Variants in LMO1 observed in about 807,000 individuals in gnomAD.
The protein encoded by LMO1 is rhombotin-1.
LMO1 carries 10 observed loss-of-function variants against 18.0 expected under a neutral mutation model. That is an observed-to-expected ratio of 0.55 (90% CI 0.34 to 0.94). The LOEUF is 0.94. Ranked by LOEUF, LMO1 falls within the 40% of genes least tolerant of loss-of-function variation. The pLI, the probability that LMO1 is intolerant of heterozygous loss-of-function variation, is 0.02. For missense variants in LMO1, 183 were observed against 205.7 expected, an observed-to-expected ratio of 0.89 and a Z score of 0.68; for synonymous variants, 77 against 77.9, an observed-to-expected ratio of 0.99 and a Z score of 0.06.
chr11:8,240,488 C>T (rs1224948345), intron 1 of LMO1, among the ~76,000 whole-genome samples: 2 of 152,124 alleles, frequency 1.3e-5, no homozygotes, highest in Admixed American at 6.6e-5. Flanking sequence ...AACAGAATAC[C>T]ACAGACTGGG....
chr11:8,251,479 C>G (rs77773507), intron 1 of LMO1, among the ~76,000 whole-genome samples: 1 of 152,166 alleles, frequency 6.6e-6, no homozygotes, highest in African/African-American at 2.4e-5. Context: ...CCAACAGCAG[C>G]GGGGAGGCTG....
chr11:8,263,457 C>T lies in LMO1; in HGVS notation c.-95G>A, dbSNP rs1590569523. On this transcript the variant is annotated 5_prime_UTR_variant, in exon 1 of 4. Coordinates refer to ENST00000335790, the MANE Select transcript of LMO1 (RefSeq NM_002315.3). ...GGAGGGGCGGCCGGTCTTCGGGCAG[C>T]TAGCGGGCTCTAATTACCCGCTTGT... The T allele has an allele frequency of 6.4e-7, 1 of 1,552,208 alleles. No individual in the cohort carries two copies. The highest frequency in any genetic ancestry group is 2.4e-5 in the East Asian group (1 of 40,946).
At chr11:8,256,887 G>A (rs1258113232) in intron 1 of LMO1, among the ~76,000 whole-genome samples, 1 of 152,228 alleles carries the variant, frequency 6.6e-6, no homozygotes, top group African/African-American at 2.4e-5. Context: ...GGATGCCAGG[G>A]TAGCAGAGGT....
chr11:8,227,282 G>T (rs1314238568), intron 2 of LMO1, among the ~76,000 whole-genome samples, 182 bp from the exon 3 acceptor site: 1 of 152,236 alleles, frequency 6.6e-6, no homozygotes, highest in South Asian at 2.1e-4. Flanking sequence ...AGATCAGGCT[G>T]CCAATAAATC....
At chr11:8,252,946 G>A (rs1847028850) in intron 1 of LMO1, among the ~76,000 whole-genome samples, 2 of 152,266 alleles carry the variant, frequency 1.3e-5, no homozygotes, top group African/African-American at 4.8e-5. Context: ...TTAATACACT[G>A]CCACAGTGGC....
chr11:8,227,204 G>C, intron 2 of LMO1, 104 bp from the exon 3 acceptor site: 1 of 1,518,372 alleles, frequency 6.6e-7, no homozygotes, highest in Non-Finnish European at 8.8e-7. Flanking sequence ...ACTCCAACTT[G>C]TGGGCTCAGC....
At chr11:8,249,874 A>G (rs1365076073) in intron 1 of LMO1, among the ~76,000 whole-genome samples, 2 of 152,228 alleles carry the variant, frequency 1.3e-5, no homozygotes, top group Admixed American at 6.5e-5. Context: ...ATATTTACTA[A>G]GCATCTACCA....
upstream of LMO1, chr11:8,268,652 A>G: frequency 6.2e-6 from 2 of 322,992 alleles, no homozygotes; most frequent in Non-Finnish European, 5.6e-6. Context: ...GACTGGGGGG[A>G]AGGCGCGGGG....
At chr11:8,264,431 T>C (rs1178183996), upstream of LMO1, among the ~76,000 whole-genome samples, 2 of 152,178 alleles carry the variant, frequency 1.3e-5, no homozygotes, top group African/African-American at 4.8e-5. Flanking sequence ...GATACAGCAC[T>C]GAACAAAACA....
At chr11:8,259,935 G>T (rs1272533638) in intron 1 of LMO1, among the ~76,000 whole-genome samples, 3 of 152,090 alleles carry the variant, frequency 2.0e-5, no homozygotes, top group Non-Finnish European at 4.4e-5. Context: ...AATGCCCTAG[G>T]AATCATGTCT....
chr11:8,248,250 G>A (rs1383644445), intron 1 of LMO1, among the ~76,000 whole-genome samples: 2 of 152,266 alleles, frequency 1.3e-5, no homozygotes, highest in African/African-American at 2.4e-5. Context: ...ACATCTGCAT[G>A]TATCTGAGCT....
chr11:8,226,950 T>G (rs1453216691), intron 3 of LMO1, 25 bp downstream of exon 3: 1 of 1,600,190 alleles, frequency 6.2e-7, no homozygotes, highest in African/African-American at 1.3e-5. Context: ...GGGGAGTGTG[T>G]TGGGTCGGCC....
Position 8,224,642 on chromosome 11 carries a change from C to CCTTCGA in LMO1, c.444_445insTCGAAG (p.Asn148_Gly149insSerLys). 6.2e-7 allele frequency: 1 copy of CCTTCGA among 1,608,856 alleles called. No individual in the cohort carries two copies. The highest frequency in any genetic ancestry group is 8.5e-7 in the Non-Finnish European group (1 of 1,177,226). On this transcript the variant is annotated inframe_insertion, in exon 4 of 4. Transcript: ENST00000335790. ...TACTGAACTTGGGATTCAAAGGTGC[C>CCTTCGA]ATTGAGCTGCCCTTCCTCATAGTCC...
intron 1 of LMO1, among the ~76,000 whole-genome samples, chr11:8,232,275 GGGGCACAGGA>G (rs1952677452): frequency 1.3e-5 from 2 of 150,640 alleles, no homozygotes; most frequent in Non-Finnish European, 2.9e-5. Flanking sequence ...AGAGAGGGAT[GGGGCACAGGA>G]TGACTCTGTC....
chr11:8,263,982 G>T (rs1847234191), upstream of LMO1: 1 of 536,244 alleles, frequency 1.9e-6, no homozygotes, highest in Non-Finnish European at 2.4e-6. Context: ...GCTCCGCAGC[G>T]CCACCTGGAG....
In LMO1 at chr11:8,263,599, TGCAATTTAGAGAGA is replaced by T; in HGVS notation, c.-251_-238del. ...CTCAGAATTGGAAGGAACTACGAACTGCAATTTAGAGAGAGAGGGAGAGGGAGAGAGAAGGGGGA... is the reference window on the plus strand; with the variant it reads ...CTCAGAATTGGAAGGAACTACGAACTGAGGGAGAGGGAGAGAGAAGGGGGA... On this transcript the variant is annotated 5_prime_UTR_variant, in exon 1 of 4. Transcript: ENST00000335790. The T allele has an allele frequency of 7.3e-7, 1 of 1,362,936 alleles. No individual in the cohort carries two copies. The highest frequency in any genetic ancestry group is 3.0e-5 in the East Asian group (1 of 33,474). The allele number at this position is 1,362,936 out of a possible 1,614,324, so 84.4% of individuals were successfully genotyped here. A position where few individuals can be genotyped will look rare whatever the true frequency, so the allele number is the denominator to read the frequency against.
intron 1 of LMO1, among the ~76,000 whole-genome samples, chr11:8,240,266 A>G (rs1056353301): frequency 6.6e-6 from 1 of 152,238 alleles, no homozygotes; most frequent in Non-Finnish European, 1.5e-5. Context: ...CAAAGCGGGA[A>G]GCTTCATATG....
intron 1 of LMO1, among the ~76,000 whole-genome samples, chr11:8,244,250 G>A (rs942026929): frequency 6.6e-6 from 1 of 152,212 alleles, no homozygotes; most frequent in East Asian, 1.9e-4. Context: ...CCCAGCTTGG[G>A]AGTGGGCTGC....
chr11:8,230,424 G>A lies in LMO1; in HGVS notation c.106C>T (p.Leu36=), dbSNP rs374674906. ...CAGTACTTGTCCAATGCCTTCAGCA[G>A]ATAGCGGTCCTTGATCTTGCGGTTA... ...GCNRKIKDRY[L]LKALDKYWHE... is the part of the protein sequence containing the mutation. The change falls in exon 2 of 4, where the codon CTG becomes TTG. Residue 36 remains leucine, a synonymous_variant. Transcript: ENST00000335790. The A allele has an allele frequency of 6.2e-7, 1 of 1,613,992 alleles. No individual in the cohort carries two copies. Among genetic ancestry groups the A allele is most frequent in the African/African-American group, 1.3e-5 (1 of 74,946 alleles).
Sources: gnomAD v4.1 joint callset for allele counts (sites outside exome capture counted in the v4.1 genomes callset) on GRCh38, gnomAD v4.1.1 for gene constraint, MANE v1.5 for transcripts, NCBI Gene and HGNC (gene_info 2026-07-23, HGNC 2026-07-21) for gene names.